The following CCDC186 variants were observed in gnomAD, a reference collection of about 807,000 sequenced individuals.
CCDC186 encodes coiled-coil domain containing 186.
Under a neutral mutation model 113.7 loss-of-function variants are expected in CCDC186, and 49 were observed. That is an observed-to-expected ratio of 0.43 (90% confidence interval 0.34 to 0.55). The LOEUF is 0.55. CCDC186 is among the 20% of genes least tolerant of loss of function. The pLI, the probability that CCDC186 is intolerant of heterozygous loss-of-function variation, is 0.02. For synonymous variants in CCDC186, 355 were observed against 345.8 expected, an observed-to-expected ratio of 1.03 and a Z score of -0.30; for missense variants, 890 against 1,011.1, an observed-to-expected ratio of 0.88 and a Z score of 1.62.
chr10:114,166,714 A>G (rs1045038699), intron 1 of CCDC186, among the ~76,000 whole-genome samples: 1 of 152,238 alleles, frequency 6.6e-6, no homozygotes, highest in Non-Finnish European at 1.5e-5. Flanking sequence ...GGGTTTACAC[A>G]GTGATCTAGG....
intron 7 of CCDC186, 140 bp downstream of exon 7, chr10:114,137,046 G>C (rs2119726127): frequency 1.7e-6 from 1 of 572,762 alleles, no homozygotes; most frequent in South Asian, 2.0e-5. Flanking sequence ...GTACCCGGGA[G>C]GCAGAGGTTG....
intron 3 of CCDC186, among the ~76,000 whole-genome samples, chr10:114,152,589 G>T (rs2031888762): frequency 2.0e-5 from 3 of 151,880 alleles, no homozygotes; most frequent in African/African-American, 7.3e-5. Context: ...GGAGGAATAG[G>T]GGAAGAAAAA....
chr10:114,173,119 T>C (rs2032561002), intron 1 of CCDC186: 2 of 426,234 alleles, frequency 4.7e-6, no homozygotes, highest in South Asian at 1.6e-5. Flanking sequence ...ATGACACACA[T>C]GCAGAGAAAA....
At chr10:114,138,474 A>C (rs1055813489) in intron 6 of CCDC186, among the ~76,000 whole-genome samples, 1 of 151,322 alleles carries the variant, frequency 6.6e-6, no homozygotes, top group Non-Finnish European at 1.5e-5. Context: ...TTGTATTTTT[A>C]GTAGAGATAG....
At position 114,126,003 on chromosome 10, in the gene CCDC186, T is replaced by C; in HGVS notation, c.2496A>G (p.Ala832=). Residue 832 remains alanine, a synonymous_variant, in exon 15 of 16, where the codon GCA becomes GCG. Transcript: ENST00000369287. ...VHLSRRGGIM[A]SLYTSHPADN... ...CAGCTGGATGGGATGTATATAAAGATGCCATGATGCCACCCCGTCTACTTA... is the reference window on the plus strand; with the variant it reads ...CAGCTGGATGGGATGTATATAAAGACGCCATGATGCCACCCCGTCTACTTA... 6.2e-7 allele frequency: 1 copy of C among 1,614,080 alleles called. No individual in the cohort carries two copies. The highest frequency in any genetic ancestry group is 8.5e-7 in the Non-Finnish European group (1 of 1,179,954).
In CCDC186 at chr10:114,127,621, C is replaced by G. The variant is rs1385661679; in HGVS notation, c.2233G>C (p.Gly745Arg). The G allele has an allele frequency of 6.8e-6, 11 of 1,613,888 alleles. No homozygotes were observed. The highest frequency in any genetic ancestry group is 7.6e-6 in the Non-Finnish European group (9 of 1,179,992). The change falls in exon 14 of 16, where the codon GGG (glycine) becomes CGG (arginine). Residue 745 changes from glycine to arginine, a missense_variant. Coordinates refer to ENST00000369287, the MANE Select transcript of CCDC186 (RefSeq NM_018017.4). ...AAGTTATCCACAGCTACTGAGGACC[C>G]AGTATTTTCTGGAGATCGATCTTCT... The part of the protein sequence containing the change: ...SAEDRSPENT[G>R]SSVAVDNFPQ...
In CCDC186 at chr10:114,134,942, A is replaced by G. The variant is rs150005690; in HGVS notation, c.1626T>C (p.Thr542=). 116 of 1,611,900 alleles carry G rather than the reference A, an allele frequency of 7.2e-5. No homozygotes were observed. Among genetic ancestry groups the G allele is most frequent in the Admixed American group, 1.8e-4 (11 of 59,694 alleles). ...GAAGCTGCTCCTGTAGCTGATCTGC[A>G]GTTTTCACCTTGTCCAATAAATTCT... ...EIQNLLDKVK[T]ADQLQEQLQR... Residue 542 remains threonine, a synonymous_variant, in exon 10 of 16, where the codon ACT becomes ACC. Transcript: ENST00000369287.
intron 10 of CCDC186, among the ~76,000 whole-genome samples, 171 bp downstream of exon 10, chr10:114,134,742 C>G (rs1174819779): frequency 6.6e-6 from 1 of 152,030 alleles, no homozygotes; most frequent in Non-Finnish European, 1.5e-5. Flanking sequence ...GAAGCCATGA[C>G]AGAACTCAAA....
chr10:114,132,224 T>G (rs755886502), intron 10 of CCDC186, 40 bp from the exon 11 acceptor site: 2 of 1,355,556 alleles, frequency 1.5e-6, no homozygotes, highest in East Asian at 2.5e-5. Flanking sequence ...AATAAACCAT[T>G]AAAAGACATT....
rs1156637951 is a variant in CCDC186 at position 114,125,052 on chromosome 10, A to C, written c.*91T>G. The C allele has an allele frequency of 4.3e-6, 4 of 934,430 alleles. No homozygotes were observed. Among genetic ancestry groups the C allele is most frequent in the Non-Finnish European group, 6.4e-6 (4 of 622,898 alleles). The allele number at this position is 934,430 out of a possible 1,614,324, so 57.9% of individuals were successfully genotyped here. A position where few individuals can be genotyped will look rare whatever the true frequency, so the allele number is the denominator to read the frequency against. On this transcript the variant is annotated 3_prime_UTR_variant, in exon 16 of 16. Transcript: ENST00000369287. ...GCAAAACAATATTTTTACTGGCTGA[A>C]ACAAAAAGTGGAACAAAGTCTCCAA...
intron 1 of CCDC186, among the ~76,000 whole-genome samples, chr10:114,163,549 T>C (rs1254430749): frequency 1.3e-5 from 2 of 152,174 alleles, no homozygotes; most frequent in Non-Finnish European, 2.9e-5. Flanking sequence ...CTTTCCTCCT[T>C]CATTTCAGTC....
chr10:114,173,148 T>C (rs1379174696), intron 1 of CCDC186: 1 of 454,022 alleles, frequency 2.2e-6, no homozygotes, highest in East Asian at 7.0e-5. Flanking sequence ...TACCTGGGAC[T>C]GTACTGCGTA....
intron 1 of CCDC186, chr10:114,168,211 T>C (rs2032391263): frequency 6.6e-6 from 1 of 152,230 alleles, no homozygotes; most frequent in Non-Finnish European, 1.5e-5. Context: ...ATCATTTCAG[T>C]GGGTGAGAAC....
intron 3 of CCDC186, among the ~76,000 whole-genome samples, chr10:114,153,511 C>T (rs908695859): frequency 2.0e-5 from 3 of 151,978 alleles, no homozygotes; most frequent in East Asian, 1.9e-4. Flanking sequence ...GGGGGCCAGG[C>T]GGGGTGGCTC....
intron 13 of CCDC186, among the ~76,000 whole-genome samples, chr10:114,128,326 A>G (rs1436317875): frequency 6.6e-6 from 1 of 152,200 alleles, no homozygotes; most frequent in Non-Finnish European, 1.5e-5. Context: ...TTCCAATCCG[A>G]TTTTATAGCT....
rs928715633 is a variant in CCDC186 at position 114,151,311 on chromosome 10, T to A, written c.760-91A>T. 12 of 971,336 alleles carry A rather than the reference T, an allele frequency of 1.2e-5. 1 individual carries two copies. In the South Asian group the frequency reaches 1.8e-4, roughly 14 times the overall value. 60.2% of individuals were successfully genotyped at this position (971,336 alleles called of 1,614,324 possible). A position where few individuals can be genotyped will look rare whatever the true frequency, so the allele number is the denominator to read the frequency against. On this transcript the variant is annotated intron_variant, in intron 3 of 15. Coordinates refer to ENST00000369287, the MANE Select transcript of CCDC186 (RefSeq NM_018017.4). Reference sequence around the variant, plus strand: ...TAAATATAAACAAAGTAAATAAACATAAAGAATACAATGAATATACTTCAG... The same window carrying A: ...TAAATATAAACAAAGTAAATAAACAAAAAGAATACAATGAATATACTTCAG...
chr10:114,142,443 A>C (rs1295691061), intron 6 of CCDC186, among the ~76,000 whole-genome samples: 1 of 152,258 alleles, frequency 6.6e-6, no homozygotes, highest in African/African-American at 2.4e-5. Context: ...CAGTGAGATT[A>C]TCTCATCCTG....
Position 114,123,313 on chromosome 10 carries a change from A to G in CCDC186, c.*1830T>C, listed in dbSNP as rs1300323008. 3 of 152,594 alleles carry G rather than the reference A, an allele frequency of 2.0e-5. No individual in the cohort carries two copies. Among genetic ancestry groups the G allele is most frequent in the African/African-American group, 7.2e-5 (3 of 41,460 alleles). The allele number at this position is 152,594 out of a possible 1,614,324, so 9.5% of individuals were successfully genotyped here. A position where few individuals can be genotyped will look rare whatever the true frequency, so the allele number is the denominator to read the frequency against. On this transcript the variant is annotated 3_prime_UTR_variant, in exon 16 of 16. Transcript: ENST00000369287. ...CTAAAAATAAAACATCTTTGAACATATATTTTCATTTTGAAGTGAAAAGAT... is the reference window on the plus strand; with the variant it reads ...CTAAAAATAAAACATCTTTGAACATGTATTTTCATTTTGAAGTGAAAAGAT...
chr10:114,166,687 T>A (rs1262420981), intron 1 of CCDC186, among the ~76,000 whole-genome samples: 1 of 152,184 alleles, frequency 6.6e-6, no homozygotes, highest in Non-Finnish European at 1.5e-5. Context: ...GCTATACAAA[T>A]GAAGGTGGGG....
Sources: gnomAD v4.1 joint callset for allele counts (sites outside exome capture counted in the v4.1 genomes callset) on GRCh38, gnomAD v4.1.1 for gene constraint, MANE v1.5 for transcripts, NCBI Gene and HGNC (gene_info 2026-07-23, HGNC 2026-07-21) for gene names.